SORCS3: variants seen among roughly 807,000 people sequenced by gnomAD.
SORCS3 encodes VPS10 domain-containing receptor SorCS3.
In SORCS3, 57 loss-of-function variants were observed where a neutral mutation model predicts 146.3. The ratio of observed to expected loss-of-function variants is 0.39; its 90% CI spans 0.31 to 0.49. The LOEUF is 0.49. SORCS3 is among the 20% of genes least tolerant of loss of function. The pLI is 0.92. For missense variants in SORCS3, 1,341 were observed against 1,575.5 expected, an observed-to-expected ratio of 0.85 and a Z score of 2.52; for synonymous variants, 653 against 618.5, an observed-to-expected ratio of 1.06 and a Z score of -0.83.
chr10:104,846,710 A>G (rs138647670), intron 2 of SORCS3, among the ~76,000 whole-genome samples: 275 of 152,302 alleles, frequency 1.8e-3, no homozygotes, highest in Middle Eastern at 0.01. Flanking sequence ...GGCCAAGGTT[A>G]TTTCTTCACC....
chr10:105,060,022 G>C (rs1393670408), intron 5 of SORCS3, among the ~76,000 whole-genome samples: 1 of 152,216 alleles, frequency 6.6e-6, no homozygotes, highest in Non-Finnish European at 1.5e-5. Flanking sequence ...ACAAAGACAA[G>C]TTGAGACAAC....
intron 1 of SORCS3, among the ~76,000 whole-genome samples, chr10:104,741,293 A>T (rs998446710): frequency 6.6e-6 from 1 of 151,940 alleles, no homozygotes; most frequent in Non-Finnish European, 1.5e-5. Flanking sequence ...TTTAATCACC[A>T]GAAGGCAATG....
intron 4 of SORCS3, among the ~76,000 whole-genome samples, chr10:105,008,570 T>C (rs1262491188): frequency 6.6e-6 from 1 of 152,188 alleles, no homozygotes; most frequent in Non-Finnish European, 1.5e-5. Flanking sequence ...GAGGATGCTG[T>C]CCACTCTACT....
rs190155558 is a variant in SORCS3, at chr10:104,683,861, C to T, written c.627+41907C>T. On this transcript the variant is annotated intron_variant, in intron 1 of 26. Coordinates refer to ENST00000369701, the MANE Select transcript of SORCS3 (RefSeq NM_014978.3). ...TGGTAAGCATCTTCTATATGCTGGGCTCAGGGCTCTATGCTGGGGATACAA... is the reference window on the plus strand; with the variant it reads ...TGGTAAGCATCTTCTATATGCTGGGTTCAGGGCTCTATGCTGGGGATACAA... Among the ~76,000 whole-genome samples, 3 of 152,306 alleles carry T rather than the reference C, an allele frequency of 2.0e-5. No individual in the cohort carries two copies. In the East Asian group the frequency reaches 5.8e-4, roughly 29 times the overall value.
intron 14 of SORCS3, among the ~76,000 whole-genome samples, chr10:105,196,786 T>C (rs1377546937): frequency 2.6e-5 from 4 of 152,166 alleles, no homozygotes; most frequent in Non-Finnish European, 5.9e-5. Flanking sequence ...TAGATGAAAG[T>C]GGTCTTGGAT....
intron 2 of SORCS3, among the ~76,000 whole-genome samples, chr10:104,883,116 G>C (rs902459624): frequency 6.6e-5 from 10 of 152,308 alleles, no homozygotes; most frequent in African/African-American, 2.4e-4. Flanking sequence ...GAAGATTCCT[G>C]AACTTCACTG....
intron 1 of SORCS3, among the ~76,000 whole-genome samples, chr10:104,768,149 T>C (rs191740942): frequency 1.3e-5 from 2 of 152,098 alleles, no homozygotes; most frequent in East Asian, 3.9e-4. Context: ...ATTACCTGTC[T>C]TACTTGTTTA....
intron 4 of SORCS3, among the ~76,000 whole-genome samples, chr10:105,014,175 T>G (rs2055152481): frequency 6.7e-6 from 1 of 150,148 alleles, no homozygotes; most frequent in Admixed American, 6.7e-5. Flanking sequence ...AAAAAAATGG[T>G]TATTGAGTAG....
chr10:105,008,892 C>T (rs2055114216), intron 4 of SORCS3, among the ~76,000 whole-genome samples: 1 of 152,202 alleles, frequency 6.6e-6, no homozygotes, highest in African/African-American at 2.4e-5. Context: ...AGCCATCTGC[C>T]TGCCGTGGCC....
rs749258881 is a variant in SORCS3 at position 105,217,097 on chromosome 10, A to G, written c.2709A>G (p.Thr903=). The G allele has an allele frequency of 7.4e-6, 12 of 1,614,016 alleles. No individual in the cohort carries two copies. The East Asian group carries it at 2.0e-4, about 27-fold the overall frequency. ...AYAENNLGSD[T]AVLFLHVVCP... is the part of the protein sequence containing the mutation. ...CAGAGAACAACCTTGGCTCAGACACAGCTGTCCTCTTCCTGCATGTGGTTT... is the reference window on the plus strand; with the variant it reads ...CAGAGAACAACCTTGGCTCAGACACGGCTGTCCTCTTCCTGCATGTGGTTT... The change falls in exon 19 of 27, where the codon ACA becomes ACG. Residue 903 remains threonine (T), a synonymous_variant. Transcript: ENST00000369701.
chr10:104,996,983 C>T (rs558692342), intron 4 of SORCS3, among the ~76,000 whole-genome samples: 2 of 151,988 alleles, frequency 1.3e-5, no homozygotes, highest in South Asian at 4.2e-4. Context: ...TTCGATGATC[C>T]CTGGAAGAGG....
chr10:104,723,693 T>G (rs2016581872), intron 1 of SORCS3, among the ~76,000 whole-genome samples: 1 of 152,242 alleles, frequency 6.6e-6, no homozygotes, highest in Non-Finnish European at 1.5e-5. Context: ...TTTAGGATAG[T>G]TAGCTCTTCT....
intron 9 of SORCS3, among the ~76,000 whole-genome samples, chr10:105,150,992 A>G (rs2056164207): frequency 6.6e-6 from 1 of 152,208 alleles, no homozygotes; most frequent in African/African-American, 2.4e-5. Context: ...ATTCAGCTAA[A>G]TTAGCACACT....
intron 9 of SORCS3, among the ~76,000 whole-genome samples, chr10:105,156,199 A>G (rs575418452): frequency 6.6e-6 from 1 of 152,352 alleles, no homozygotes; most frequent in East Asian, 1.9e-4. Flanking sequence ...AAACTAATTT[A>G]ATTGCCTTTG....
At chr10:104,966,129 C>G (rs552265988) in intron 3 of SORCS3, among the ~76,000 whole-genome samples, 1 of 152,008 alleles carries the variant, frequency 6.6e-6, no homozygotes, top group South Asian at 2.1e-4. Context: ...CAGCATCCCT[C>G]GCCTCTGCCC....
intron 14 of SORCS3, among the ~76,000 whole-genome samples, chr10:105,189,575 A>G (rs1383500195): frequency 6.6e-6 from 1 of 152,148 alleles, no homozygotes; most frequent in East Asian, 1.9e-4. Flanking sequence ...CTGGATGTGA[A>G]TCACTTCTCT....
chr10:105,205,808 G>A (rs2056598980), intron 16 of SORCS3, among the ~76,000 whole-genome samples: 1 of 152,060 alleles, frequency 6.6e-6, no homozygotes, highest in African/African-American at 2.4e-5. Context: ...CTTCTCAATG[G>A]ACTCCCAGAA....
At chr10:104,780,117 A>G (rs17772266) in intron 1 of SORCS3, among the ~76,000 whole-genome samples, 6,999 of 142,656 alleles carry the variant, frequency 0.049, 178 homozygotes, top group Admixed American at 0.074. Flanking sequence ...GATTGGGAAG[A>G]ATTGCCCTGA....
chr10:104,977,141 C>T (rs758445234), intron 3 of SORCS3, among the ~76,000 whole-genome samples, 194 bp from the exon 4 acceptor site: 16 of 151,986 alleles, frequency 1.1e-4, no homozygotes, highest in Non-Finnish European at 2.2e-4. Flanking sequence ...AGCCTTGCCC[C>T]CTATTTTTAC....
Sources: gnomAD v4.1 joint callset for allele counts (sites outside exome capture counted in the v4.1 genomes callset) on GRCh38, gnomAD v4.1.1 for gene constraint, MANE v1.5 for transcripts, NCBI Gene and HGNC (gene_info 2026-07-23, HGNC 2026-07-21) for gene names.